The following DIAPH2 variants were observed in gnomAD, a reference collection of about 807,000 sequenced individuals.
The protein encoded by DIAPH2 is protein diaphanous homolog 2.
A neutral mutation model predicts 92.7 loss-of-function variants in DIAPH2; 35 were observed. That is an observed-to-expected ratio of 0.38 (90% CI 0.29 to 0.50). The LOEUF is 0.50. DIAPH2 is among the 20% of genes least tolerant of loss of function. The probability of loss-of-function intolerance (pLI) is 0.94; values close to 1 mark genes in which losing one functional copy is unlikely to be tolerated. For missense variants in DIAPH2, 701 were observed against 819.5 expected (o/e 0.86, Z 1.77); for synonymous variants, 301 against 280.4 (o/e 1.07, Z -0.73).
chrX:96,965,158 T>C lies in DIAPH2; in HGVS notation c.2001T>C (p.Asn667=). ...GAGTCAAAGAAGACAAGTTTGAGAA[T>C]CCAGATCTCTTTGCCAAATTGGCAT... is the stretch of plus-strand genomic sequence containing the variant. ...WLRVKEDKFE[N]PDLFAKLALN... The change falls in exon 17 of 27, where the codon AAT becomes AAC. Residue 667 remains asparagine, a synonymous_variant. Transcript: ENST00000324765. 8.3e-7 allele frequency: 1 copy of C among 1,198,339 alleles called. No individual in the cohort carries two copies. The highest frequency in any genetic ancestry group is 1.1e-6 in the Non-Finnish European group (1 of 888,738).
intron 1 of DIAPH2, among the ~76,000 whole-genome samples, chrX:96,706,964 GA>G (rs1436295904): frequency 9.0e-6 from 1 of 110,840 alleles, no homozygotes; most frequent in Non-Finnish European, 1.9e-5. Flanking sequence ...ATCTCTGGAG[GA>G]TAGGAGATTC....
chrX:97,021,927 A>G (rs1227985376), intron 17 of DIAPH2, among the ~76,000 whole-genome samples: 1 of 112,062 alleles, frequency 8.9e-6, no homozygotes, highest in Admixed American at 9.5e-5. Context: ...TTATAGTATA[A>G]TAGATCATCG....
At chrX:97,310,929 A>C in intron 23 of DIAPH2, among the ~76,000 whole-genome samples, 1 of 111,648 alleles carries the variant, frequency 9.0e-6, no homozygotes, top group Non-Finnish European at 1.9e-5. Flanking sequence ...GAATTGCTTG[A>C]ACCTGGGAGG....
chrX:97,298,441 T>C (rs1292367699), intron 23 of DIAPH2, among the ~76,000 whole-genome samples: 1 of 108,393 alleles, frequency 9.2e-6, no homozygotes, highest in Non-Finnish European at 1.9e-5. Context: ...AAAATGAGAG[T>C]TCCATGATAA....
chrX:96,826,053 T>C (rs1461083026), intron 4 of DIAPH2, among the ~76,000 whole-genome samples: 1 of 111,934 alleles, frequency 8.9e-6, no homozygotes, highest in Non-Finnish European at 1.9e-5. Context: ...TTTTCTTATA[T>C]CACTATTTGG....
At chrX:97,278,744 T>C (rs1428650841) in intron 23 of DIAPH2, among the ~76,000 whole-genome samples, 1 of 112,448 alleles carries the variant, frequency 8.9e-6, no homozygotes, top group Non-Finnish European at 1.9e-5. Flanking sequence ...ATGTTTCTAT[T>C]TGGCTTTGCC....
At chrX:97,583,779 G>A (rs1364663385) in intron 26 of DIAPH2, among the ~76,000 whole-genome samples, 4 of 111,331 alleles carry the variant, frequency 3.6e-5, no homozygotes, top group Non-Finnish European at 5.7e-5. Context: ...CAGCCTCGCT[G>A]CCGCCTTGCA....
intron 26 of DIAPH2, among the ~76,000 whole-genome samples, chrX:97,483,447 G>C (rs2070666020): frequency 9.0e-6 from 1 of 111,369 alleles, no homozygotes; most frequent in Non-Finnish European, 1.9e-5. Context: ...TTCACTGCCT[G>C]ACCTCTTAAT....
rs920025617 is a variant in DIAPH2, at chrX:96,990,575, A to G, written c.2050+25368A>G. 7.0e-4 allele frequency among the ~76,000 whole-genome samples: 78 copies of G among 110,674 alleles called. 1 individual carries two copies. The highest frequency in any genetic ancestry group is 2.5e-3 in the African/African-American group (75 of 30,398). ...GTTTTTTAAATTTTTTTTTCGAAAA[A>G]GTTTTGTTTGTTTTTTATTGATACG... On this transcript the variant is annotated intron_variant, in intron 17 of 26. Transcript: ENST00000324765.
At chrX:96,888,624 T>C (rs1217625288) in intron 5 of DIAPH2, among the ~76,000 whole-genome samples, 1 of 100,581 alleles carries the variant, frequency 9.9e-6, no homozygotes, top group Non-Finnish European at 2.0e-5. Flanking sequence ...TCTATATATA[T>C]ACACAGATAT....
chrX:96,712,019 G>A (rs1223067299), intron 1 of DIAPH2, among the ~76,000 whole-genome samples: 1 of 111,486 alleles, frequency 9.0e-6, no homozygotes, highest in Non-Finnish European at 1.9e-5. Context: ...ATATTGAACT[G>A]TACTAAATAA....
intron 22 of DIAPH2, among the ~76,000 whole-genome samples, chrX:97,211,362 AG>A (rs2067838573): frequency 9.0e-6 from 1 of 111,180 alleles, no homozygotes; most frequent in African/African-American, 3.3e-5. Context: ...TGTCAAAACA[AG>A]AAAAAAAAAA....
At chrX:96,789,825 T>G (rs1453648046) in intron 4 of DIAPH2, among the ~76,000 whole-genome samples, 1 of 111,281 alleles carries the variant, frequency 9.0e-6, no homozygotes, top group Non-Finnish European at 1.9e-5. Flanking sequence ...GCAAATACAG[T>G]ATCTAGGCAT....
intron 24 of DIAPH2, among the ~76,000 whole-genome samples, chrX:97,363,597 C>T (rs1451491958): frequency 1.0e-5 from 1 of 95,708 alleles, no homozygotes; most frequent in African/African-American, 3.9e-5. Flanking sequence ...ACCTGGAAGG[C>T]GAAGGTTGCT....
chrX:96,982,409 T>C (rs1437270227), intron 17 of DIAPH2, among the ~76,000 whole-genome samples: 1 of 112,511 alleles, frequency 8.9e-6, no homozygotes, highest in African/African-American at 3.2e-5. Flanking sequence ...CCTGGCTTCA[T>C]GTGATAAGAA....
intron 22 of DIAPH2, among the ~76,000 whole-genome samples, chrX:97,190,833 CAAAAAA>C (rs34703572): frequency 2.9e-4 from 21 of 72,808 alleles, no homozygotes; most frequent in Admixed American, 1.2e-3. Flanking sequence ...GACTCCATTT[CAAAAAA>C]AAAAAAAAAA....
chrX:96,931,248 C>G (rs1326596190), intron 10 of DIAPH2, among the ~76,000 whole-genome samples: 1 of 111,353 alleles, frequency 9.0e-6, no homozygotes, highest in Non-Finnish European at 1.9e-5. Flanking sequence ...TTAGCATATG[C>G]TAGACACATT....
intron 26 of DIAPH2, among the ~76,000 whole-genome samples, chrX:97,450,859 A>G (rs1333321654): frequency 9.5e-6 from 1 of 105,222 alleles, no homozygotes; most frequent in Non-Finnish European, 1.9e-5. Context: ...AAGTCACAGG[A>G]TAAGCCTCCT....
intron 5 of DIAPH2, among the ~76,000 whole-genome samples, chrX:96,882,977 A>AAAAAC (rs2065227762): frequency 2.0e-5 from 1 of 49,020 alleles, no homozygotes; most frequent in Admixed American, 2.0e-4. Context: ...AAAAAAAAAA[A>AAAAAC]AAAAAACAAA....
Sources: allele counts gnomAD v4.1 joint callset (sites outside exome capture counted in the v4.1 genomes callset), GRCh38; gene constraint gnomAD v4.1.1; transcripts MANE v1.5; gene names NCBI Gene and HGNC (gene_info 2026-07-23, HGNC 2026-07-21).